Variants in PLGRKT observed in about 807,000 individuals in gnomAD.
The protein encoded by PLGRKT is plasminogen receptor with a C-terminal lysine.
Under a neutral mutation model 18.5 loss-of-function variants are expected in PLGRKT, and 22 were observed. That is an observed-to-expected ratio of 1.19 (90% confidence interval 0.85 to 1.70). The LOEUF is 1.70. Among genes scored for constraint, PLGRKT ranks in the 40% most tolerant of loss-of-function variants. The probability of loss-of-function intolerance (pLI) is 0.00; values close to 1 mark genes in which losing one functional copy is unlikely to be tolerated. For missense variants in PLGRKT, 235 were observed against 174.4 expected (o/e 1.35, Z -1.96); for synonymous variants, 72 against 52.8 (o/e 1.36, Z -1.58).
chr9:5,411,870 C>G (rs1818372736), intron 3 of PLGRKT, among the ~76,000 whole-genome samples: 1 of 152,064 alleles, frequency 6.6e-6, no homozygotes, highest in Admixed American at 6.5e-5. Flanking sequence ...TAAAATGACT[C>G]AATAGTTCTT....
chr9:5,377,046 C>T (rs1321213336), intron 3 of PLGRKT, among the ~76,000 whole-genome samples: 1 of 152,044 alleles, frequency 6.6e-6, no homozygotes, highest in East Asian at 1.9e-4. Context: ...ACTCAGGCTG[C>T]CTGGGAAGTT....
At chr9:5,362,092 T>C (rs1411345287) in intron 3 of PLGRKT, among the ~76,000 whole-genome samples, 1 of 152,242 alleles carries the variant, frequency 6.6e-6, no homozygotes, top group Non-Finnish European at 1.5e-5. Context: ...CTGGAATAAA[T>C]ACAGAATAAA....
At chr9:5,393,050 C>A (rs894760781) in intron 3 of PLGRKT, among the ~76,000 whole-genome samples, 6 of 151,704 alleles carry the variant, frequency 4.0e-5, no homozygotes, top group African/African-American at 1.5e-4. Flanking sequence ...CCATGTTGGC[C>A]AGGCTGGTCT....
chr9:5,433,274 A>T (rs1371212822), intron 2 of PLGRKT, among the ~76,000 whole-genome samples: 2 of 128,414 alleles, frequency 1.6e-5, no homozygotes, highest in East Asian at 5.1e-4. Context: ...CACCCCGTCT[A>T]GGAAGTAAGG....
At chr9:5,395,751 T>C (rs1818031988) in intron 3 of PLGRKT, among the ~76,000 whole-genome samples, 1 of 151,808 alleles carries the variant, frequency 6.6e-6, no homozygotes, top group Admixed American at 6.6e-5. Flanking sequence ...CAAGATGTAG[T>C]TTCTTAATCC....
intron 3 of PLGRKT, among the ~76,000 whole-genome samples, chr9:5,364,941 G>A (rs2025167): frequency 0.29 from 43,511 of 151,978 alleles, 6,348 homozygotes; most frequent in Non-Finnish European, 0.32. Context: ...CATAGACAAG[G>A]ATGAAATTAT....
In PLGRKT at chr9:5,375,540, T is replaced by C. The variant is rs114701472; in HGVS notation, c.82-13652A>G. On this transcript the variant is annotated intron_variant, in intron 3 of 5. Coordinates refer to ENST00000223864, the MANE Select transcript of PLGRKT (RefSeq NM_018465.4). ...TAAAATTTTGAAACTGCTTGTATAATCTTAGAGAGGCAAAGATGTTTTCAA... is the reference window on the plus strand; with the variant it reads ...TAAAATTTTGAAACTGCTTGTATAACCTTAGAGAGGCAAAGATGTTTTCAA... Among the ~76,000 whole-genome samples, 623 of 152,288 alleles carry C rather than the reference T, an allele frequency of 4.1e-3. 5 individuals carry two copies. Among genetic ancestry groups the C allele is most frequent in the African/African-American group, 0.014 (577 of 41,550 alleles).
Position 5,361,726 on chromosome 9 carries a change from T to C in PLGRKT, c.212+32A>G, listed in dbSNP as rs754213410. On this transcript the variant is annotated intron_variant, in intron 4 of 5. Coordinates refer to ENST00000223864, the MANE Select transcript of PLGRKT (RefSeq NM_018465.4). ...AATGGAAAACACAAAAAGAAGTAAA[T>C]GACTGAAGAAAATGTTAAATAGCAA... 3.3e-5 allele frequency: 52 copies of C among 1,583,114 alleles called. No homozygotes were observed. In the Admixed American group the frequency reaches 9.1e-4, roughly 28 times the overall value.
intron 3 of PLGRKT, among the ~76,000 whole-genome samples, chr9:5,371,584 T>C (rs190499398): frequency 1.3e-5 from 2 of 152,286 alleles, no homozygotes; most frequent in Admixed American, 1.3e-4. Context: ...TGCGGAACTG[T>C]AAACCCAATT....
rs563177052 is a variant in PLGRKT, at chr9:5,375,792, G to A, written c.82-13904C>T. On this transcript the variant is annotated intron_variant, in intron 3 of 5. Coordinates refer to ENST00000223864, the MANE Select transcript of PLGRKT (RefSeq NM_018465.4). ...CAGTTGCTGTGGAAAATGGTAAGGT[G>A]ATTCCTAAAACAATTAAACATAGAA... Among the ~76,000 whole-genome samples, 5 of 152,288 alleles carry A rather than the reference G, an allele frequency of 3.3e-5. No individual in the cohort carries two copies. In the East Asian group the frequency reaches 9.6e-4, roughly 29 times the overall value.
intron 3 of PLGRKT, among the ~76,000 whole-genome samples, chr9:5,429,197 A>G (rs1334657371): frequency 6.6e-6 from 1 of 152,206 alleles, no homozygotes; most frequent in Non-Finnish European, 1.5e-5. Context: ...TTGTATTATA[A>G]AACTCACAGT....
chr9:5,381,803 C>CTTTTTT, intron 3 of PLGRKT: 1 of 832,268 alleles, frequency 1.2e-6, no homozygotes. Flanking sequence ...ACATGGCCAA[C>CTTTTTT]AATTGTAGTT....
chr9:5,433,323 G>A (rs897164267), intron 2 of PLGRKT, among the ~76,000 whole-genome samples: 5 of 151,300 alleles, frequency 3.3e-5, no homozygotes, highest in Admixed American at 3.3e-4. Context: ...GGGATGTGAG[G>A]AGCATCTCTT....
At chr9:5,389,384 G>A (rs748449807) in intron 3 of PLGRKT, among the ~76,000 whole-genome samples, 1 of 151,838 alleles carries the variant, frequency 6.6e-6, no homozygotes, top group Non-Finnish European at 1.5e-5. Context: ...TTGTCTGATG[G>A]TGCTGATCTA....
At chr9:5,391,557 T>C (rs1439898747) in intron 3 of PLGRKT, among the ~76,000 whole-genome samples, 2 of 151,934 alleles carry the variant, frequency 1.3e-5, no homozygotes, top group Non-Finnish European at 1.5e-5. Flanking sequence ...TAAACTGGTG[T>C]AGACCGAACT....
At chr9:5,394,168 CT>C (rs1449544337) in intron 3 of PLGRKT, among the ~76,000 whole-genome samples, 6 of 151,816 alleles carry the variant, frequency 4.0e-5, no homozygotes, top group Non-Finnish European at 8.8e-5. Flanking sequence ...ATGATCTAGA[CT>C]TTTTGATGTT....
At chr9:5,414,419 C>T (rs1016452022) in intron 3 of PLGRKT, among the ~76,000 whole-genome samples, 6 of 152,144 alleles carry the variant, frequency 3.9e-5, no homozygotes, top group Non-Finnish European at 7.4e-5. Context: ...CTGCCTACCT[C>T]GGCCTCCCAA....
chr9:5,359,340 G>A (rs966422077), intron 5 of PLGRKT, among the ~76,000 whole-genome samples: 1 of 152,142 alleles, frequency 6.6e-6, no homozygotes, highest in Non-Finnish European at 1.5e-5. Flanking sequence ...GTGAGCCACT[G>A]CACCTGGCCT....
chr9:5,386,546 G>A (rs1382104695), intron 3 of PLGRKT, among the ~76,000 whole-genome samples: 1 of 151,884 alleles, frequency 6.6e-6, no homozygotes, highest in Non-Finnish European at 1.5e-5. Flanking sequence ...TAGTGTTGTG[G>A]TTGAGAAATT....
Sources: allele counts gnomAD v4.1 joint callset (sites outside exome capture counted in the v4.1 genomes callset), GRCh38; gene constraint gnomAD v4.1.1; transcripts MANE v1.5; gene names NCBI Gene and HGNC (gene_info 2026-07-23, HGNC 2026-07-21).